Variants in EPN2 observed in about 807,000 individuals in gnomAD.
EPN2 encodes epsin 2.
EPN2 carries 34 observed loss-of-function variants against 61.7 expected under a neutral mutation model. The observed-to-expected ratio is 0.55, with a 90% confidence interval of 0.42 to 0.73. The LOEUF (loss-of-function observed/expected upper bound fraction) is 0.73, where lower values mean the gene tolerates loss of function less well. Ranked by LOEUF, EPN2 falls within the 30% of genes least tolerant of loss-of-function variation. The pLI, the probability that EPN2 is intolerant of heterozygous loss-of-function variation, is 0.00. For synonymous variants in EPN2, 349 were observed against 353.6 expected, an observed-to-expected ratio of 0.99 and a Z score of 0.15; for missense variants, 714 against 839.2, an observed-to-expected ratio of 0.85 and a Z score of 1.84.
At chr17:19,245,562 G>A (rs1307092170) in intron 1 of EPN2, among the ~76,000 whole-genome samples, 1 of 151,634 alleles carries the variant, frequency 6.6e-6, no homozygotes, top group East Asian at 1.9e-4. Context: ...TCAGCCTCCC[G>A]AGTAGCTGGG....
At chr17:19,289,068 G>C (rs2152219944) in intron 4 of EPN2, among the ~76,000 whole-genome samples, 1 of 147,104 alleles carries the variant, frequency 6.8e-6, no homozygotes, top group Admixed American at 6.8e-5. Flanking sequence ...GCCAGGTTCT[G>C]GGTATGTTTT....
intron 7 of EPN2, among the ~76,000 whole-genome samples, chr17:19,324,330 G>A (rs1294227732): frequency 6.6e-6 from 1 of 152,134 alleles, no homozygotes; most frequent in Non-Finnish European, 1.5e-5. Context: ...GATATATTTA[G>A]AACCAAATTA....
intron 1 of EPN2, among the ~76,000 whole-genome samples, chr17:19,267,930 A>G (rs1233941154): frequency 6.6e-6 from 1 of 152,194 alleles, no homozygotes; most frequent in Non-Finnish European, 1.5e-5. Context: ...AGTCATTGTT[A>G]CTATTGAGAA....
At chr17:19,325,917 C>T (rs1300047104) in intron 7 of EPN2, among the ~76,000 whole-genome samples, 1 of 152,098 alleles carries the variant, frequency 6.6e-6, no homozygotes, top group Non-Finnish European at 1.5e-5. Flanking sequence ...AACAGTTTGG[C>T]AAGATTGCTG....
chr17:19,322,001 G>C lies in EPN2; in HGVS notation c.1148-6710G>C, dbSNP rs574497986. On this transcript the variant is annotated intron_variant, in intron 7 of 10. Transcript: ENST00000314728. ...GTTAGAGTGAGGGCTTGTCTCTACA[G>C]TGTGATTCCAGCAGGGGGCAGATTT... is the stretch of plus-strand genomic sequence containing the variant. 5.3e-5 allele frequency among the ~76,000 whole-genome samples: 8 copies of C among 152,330 alleles called. No homozygotes were observed. In the South Asian group the frequency reaches 1.7e-3, roughly 32 times the overall value.
In EPN2 at chr17:19,283,103, T is replaced by A. The variant is rs768857862; in HGVS notation, c.-17T>A. On this transcript the variant is annotated 5_prime_UTR_variant, in exon 3 of 11. Transcript: ENST00000314728. This position sits in a 1 kb window ranked among gnomAD's most constrained non-coding sequence, Gnocchi z 7.0. Reference sequence around the variant, plus strand: ...CTCTGTTTGAAGGGCTTTAAACTTATAACAAAGAAAATAAAAATGACGACT... The same window carrying A: ...CTCTGTTTGAAGGGCTTTAAACTTAAAACAAAGAAAATAAAAATGACGACT... 3.1e-5 allele frequency: 49 copies of A among 1,591,588 alleles called. No homozygotes were observed. Among genetic ancestry groups the A allele is most frequent in the Non-Finnish European group, 3.8e-5 (44 of 1,165,238 alleles).
intron 5 of EPN2, among the ~76,000 whole-genome samples, chr17:19,310,641 A>G (rs1227242384): frequency 8.5e-6 from 1 of 117,804 alleles, no homozygotes; most frequent in Non-Finnish European, 1.6e-5. Context: ...GCAGTGGTGC[A>G]ATCTTGGCTC....
intron 1 of EPN2, among the ~76,000 whole-genome samples, chr17:19,267,193 T>C (rs1417825387): frequency 6.6e-6 from 1 of 151,744 alleles, no homozygotes; most frequent in Admixed American, 6.6e-5. Context: ...GGGAAATCCA[T>C]AGGGAGTAGA....
At position 19,259,462 on chromosome 17, in the gene EPN2, G is replaced by A. The variant is rs1010166254; in HGVS notation, c.-294+21931G>A. The stretch of plus-strand genomic sequence containing the variant: ...TGAGTAGCTGGCACTACAGGCGCCT[G>A]CCACCACGCCTGGCTAACTTTTTGT... On this transcript the variant is annotated intron_variant, in intron 1 of 10. Coordinates refer to ENST00000314728, the MANE Select transcript of EPN2 (RefSeq NM_014964.5). Among the ~76,000 whole-genome samples, 21 of 152,004 alleles carry A rather than the reference G, an allele frequency of 1.4e-4. 2 individuals are homozygous for A. Among genetic ancestry groups the A allele is most frequent in the Admixed American group, 8.5e-4 (13 of 15,260 alleles).
At chr17:19,240,808 G>A (rs1430259356) in intron 1 of EPN2, among the ~76,000 whole-genome samples, 1 of 152,170 alleles carries the variant, frequency 6.6e-6, no homozygotes, top group Non-Finnish European at 1.5e-5. Context: ...GAGGCCAGTG[G>A]TCAGCTTGTC....
chr17:19,325,932 C>G (rs926627818), intron 7 of EPN2, among the ~76,000 whole-genome samples: 1 of 151,984 alleles, frequency 6.6e-6, no homozygotes, highest in Non-Finnish European at 1.5e-5. Context: ...TTGCTGGGTA[C>G]AAAAGAGTAT....
At chr17:19,244,964 C>A (rs2152199434) in intron 1 of EPN2, among the ~76,000 whole-genome samples, 1 of 152,242 alleles carries the variant, frequency 6.6e-6, no homozygotes, top group Non-Finnish European at 1.5e-5. Context: ...GCCAGGTGCG[C>A]CCATTACCTC....
intron 8 of EPN2, 198 bp downstream of exon 8, chr17:19,329,085 G>A (rs527681698): frequency 3.8e-6 from 2 of 528,972 alleles, no homozygotes; most frequent in South Asian, 6.1e-5. Flanking sequence ...CAGGCTTTGT[G>A]CGCTGGTACC....
At chr17:19,296,454 G>A (rs2045521115) in intron 4 of EPN2, 1 of 151,946 alleles carries the variant, frequency 6.6e-6, no homozygotes, top group African/African-American at 2.4e-5. Context: ...CCTGGCTCCT[G>A]CTAGATTTTT....
At chr17:19,305,738 G>A (rs540243396) in intron 4 of EPN2, among the ~76,000 whole-genome samples, 14 of 152,262 alleles carry the variant, frequency 9.2e-5, no homozygotes, top group South Asian at 8.3e-4. Context: ...AGGCTCTGCC[G>A]GGCAGTCCCT....
rs571965920 is a variant in EPN2 at position 19,271,000 on chromosome 17, G to T, written c.-293-10955G>T. ...ACAGGAACTGGGAGAACAGCCTCAA[G>T]GTGTGAACTCTGGCAGTCTCTGAGT... On this transcript the variant is annotated intron_variant, in intron 1 of 10. Coordinates refer to ENST00000314728, the MANE Select transcript of EPN2 (RefSeq NM_014964.5). 2.0e-5 allele frequency among the ~76,000 whole-genome samples: 3 copies of T among 152,316 alleles called. No individual in the cohort carries two copies. The South Asian group carries it at 6.2e-4, about 32-fold the overall frequency.
At chr17:19,281,498 T>G (rs2045358640) in intron 1 of EPN2, among the ~76,000 whole-genome samples, 1 of 152,218 alleles carries the variant, frequency 6.6e-6, no homozygotes, top group Admixed American at 6.5e-5. Context: ...ACCTTTTGTT[T>G]ACTTGCTTGT....
chr17:19,308,253 T>C, intron 4 of EPN2: 2 of 609,632 alleles, frequency 3.3e-6, no homozygotes, highest in Non-Finnish European at 4.1e-6. Context: ...TTTGTGTTTT[T>C]AGTAGAGACC....
intron 7 of EPN2, among the ~76,000 whole-genome samples, chr17:19,322,731 A>T (rs2152236650): frequency 6.7e-6 from 1 of 149,784 alleles, no homozygotes; most frequent in South Asian, 2.1e-4. Flanking sequence ...CAGAGCAAGA[A>T]CCTGTCTCTA....
Sources: allele counts gnomAD v4.1 joint callset (sites outside exome capture counted in the v4.1 genomes callset), GRCh38; gene constraint gnomAD v4.1.1; non-coding constraint Gnocchi (gnomAD v3.1); transcripts MANE v1.5; gene names NCBI Gene and HGNC (gene_info 2026-07-23, HGNC 2026-07-21).